The following WFDC2 variants were observed in gnomAD, a reference collection of about 807,000 sequenced individuals.
WFDC2 encodes the protein WAP four-disulfide core domain 2, also known as WAP four-disulfide core domain protein 2.
WFDC2 carries 8 observed loss-of-function variants against 12.5 expected under a neutral mutation model. The observed-to-expected ratio is 0.64, with a 90% CI of 0.37 to 1.15. The LOEUF (loss-of-function observed/expected upper bound fraction) is 1.15, where lower values mean the gene tolerates loss of function less well. Among genes scored for constraint, WFDC2 ranks in the 50% most tolerant of loss-of-function variants. The pLI is 0.01. For synonymous variants in WFDC2, 74 were observed against 67.2 expected, an observed-to-expected ratio of 1.10 and a Z score of -0.49; for missense variants, 166 against 159.9, an observed-to-expected ratio of 1.04 and a Z score of -0.21.
chr20:45,476,083 G>A (rs142682485), intron 2 of WFDC2, among the ~76,000 whole-genome samples: 14 of 152,170 alleles, frequency 9.2e-5, no homozygotes, highest in Admixed American at 3.3e-4. Context: ...CACTTGAGAT[G>A]GGTCTCCTGA....
Position 45,477,002 on chromosome 20 carries a change from C to T in WFDC2, c.224-2940C>T, listed in dbSNP as rs368006080. 2.2e-4 allele frequency among the ~76,000 whole-genome samples: 33 copies of T among 151,970 alleles called. No homozygotes were observed. The East Asian group carries it at 4.7e-3, about 21-fold the overall frequency. On this transcript the variant is annotated intron_variant, in intron 2 of 3. Coordinates refer to ENST00000372676, the MANE Select transcript of WFDC2 (RefSeq NM_006103.4). ...ACTTGTATAGGCTTCATGACGTTCT[C>T]GTGCTGTGTTTTTCAGCTCCATCAG...
intron 2 of WFDC2, among the ~76,000 whole-genome samples, chr20:45,475,207 T>A (rs1184343434): frequency 6.6e-6 from 1 of 152,200 alleles, no homozygotes; most frequent in Non-Finnish European, 1.5e-5. Context: ...AGTTATTTCT[T>A]GTCTTCTGCT....
rs1039391360 is a variant in WFDC2 at position 45,470,505 on chromosome 20, T to C, written c.196T>C (p.Cys66Arg). ...CAACCTCAAGTGCTGCAGCGCGGGC[T>C]GTGCCACCTTCTGCTCTCTGCCCAA... ...ADNLKCCSAG[C>R]ATFCSLPNDK... The change falls in exon 2 of 4, where the codon TGT becomes CGT. Residue 66 changes from cysteine to arginine, a missense_variant. Physicochemically the swap from Cys to Arg is radical, Grantham distance 180. Transcript: ENST00000372676. This position sits in a 1 kb window ranked among gnomAD's most constrained non-coding sequence, Gnocchi z 5.4. 1.3e-6 allele frequency: 2 copies of C among 1,599,642 alleles called. No individual in the cohort carries two copies. Among genetic ancestry groups the C allele is most frequent in the East Asian group, 2.2e-5 (1 of 44,538 alleles).
rs575411387 is a variant in WFDC2 at position 45,480,396 on chromosome 20, G to A, written c.*1+302G>A. On this transcript the variant is annotated intron_variant, in intron 3 of 3. Transcript: ENST00000372676. ...TGAGGTGTGCGGATCACCTGAGGTC[G>A]GGAGTTCAAGACCAGCCTGACCAAC... 4.6e-5 allele frequency among the ~76,000 whole-genome samples: 7 copies of A among 151,414 alleles called. No homozygotes were observed. The East Asian group carries it at 7.8e-4, about 17-fold the overall frequency.
chr20:45,471,757 G>A (rs545387618), intron 2 of WFDC2, among the ~76,000 whole-genome samples: 2 of 152,334 alleles, frequency 1.3e-5, no homozygotes, highest in South Asian at 4.1e-4. Context: ...CAGATGGACA[G>A]ACTGAGGCAG....
chr20:45,473,024 T>A (rs1405485990), intron 2 of WFDC2, among the ~76,000 whole-genome samples: 5 of 152,156 alleles, frequency 3.3e-5, no homozygotes, highest in Non-Finnish European at 7.4e-5. Context: ...TCGCCCACGT[T>A]CTAATGGGGT....
At chr20:45,471,468 C>G (rs1294905312) in intron 2 of WFDC2, 1 of 188,266 alleles carries the variant, frequency 5.3e-6, no homozygotes, top group Non-Finnish European at 1.1e-5. Context: ...GACTTTTCCT[C>G]TCTGTTATTT....
rs368991156 is a variant in WFDC2 at position 45,480,104 on chromosome 20, C to A, written c.*1+10C>A. 1.2e-6 allele frequency: 2 copies of A among 1,612,798 alleles called. No homozygotes were observed. The highest frequency in any genetic ancestry group is 1.7e-6 in the Non-Finnish European group (2 of 1,179,052). On this transcript the variant is annotated intron_variant, in intron 3 of 3. Coordinates refer to ENST00000372676, the MANE Select transcript of WFDC2 (RefSeq NM_006103.4). ...ACTCCCAATTTCTGAGGTAAGTGAA[C>A]GGGAAAGAGAAAGTGCATTGATGGC...
chr20:45,471,453 C>A, intron 2 of WFDC2: 1 of 191,744 alleles, frequency 5.2e-6, no homozygotes, highest in Non-Finnish European at 1.1e-5. Flanking sequence ...GAATACAGCC[C>A]CTGTGACTTT....
chr20:45,473,566 T>C (rs1991198674), intron 2 of WFDC2, among the ~76,000 whole-genome samples: 1 of 152,194 alleles, frequency 6.6e-6, no homozygotes, highest in African/African-American at 2.4e-5. Flanking sequence ...ACCAGTACCA[T>C]GCTGTTTTGG....
In WFDC2 at chr20:45,470,954, T is replaced by C. The variant is rs1438078814; in HGVS notation, c.223+422T>C. On this transcript the variant is annotated intron_variant, in intron 2 of 3. Transcript: ENST00000372676. This position sits in a 1 kb window ranked among gnomAD's most constrained non-coding sequence, Gnocchi z 5.4. ...GCCTCCCCCAGCCCTGGGGAAAGAC[T>C]GGGAGAGCCTGGCCTGGCAAGATTT... 1.2e-4 allele frequency among the ~76,000 whole-genome samples: 18 copies of C among 152,146 alleles called. No homozygotes were observed. The highest frequency in any genetic ancestry group is 1.2e-3 in the Admixed American group (18 of 15,288).
intron 3 of WFDC2, among the ~76,000 whole-genome samples, 176 bp downstream of exon 3, chr20:45,480,270 G>A (rs1173131407): frequency 6.6e-6 from 1 of 152,060 alleles, no homozygotes; most frequent in African/African-American, 2.4e-5. Flanking sequence ...GTAGTCTGAT[G>A]AGCTGCATTG....
chr20:45,480,673 C>T (rs1375021451), intron 3 of WFDC2, among the ~76,000 whole-genome samples: 2 of 152,086 alleles, frequency 1.3e-5, no homozygotes, highest in African/African-American at 4.8e-5. Context: ...GTTGAAATCT[C>T]GTGGTTGTCA....
chr20:45,480,167 C>CGGAGTGAAG, intron 3 of WFDC2, 73 bp downstream of exon 3: 1 of 1,588,914 alleles, frequency 6.3e-7, no homozygotes, highest in Non-Finnish European at 8.6e-7. Context: ...GTCACCCAGG[C>CGGAGTGAAG]GGAGGTGAAG....
rs1172479362 is a variant in WFDC2 at position 45,470,601 on chromosome 20, G to A, written c.223+69G>A. On this transcript the variant is annotated intron_variant, in intron 2 of 3. Transcript: ENST00000372676. The surrounding 1 kb of genome is among the most constrained non-coding windows in gnomAD (Gnocchi z 5.4). ...GGGCTGGGAGGAGGTGGGAGGGCCC[G>A]GGTTCCGGGAACAGGGGCGCCCCCG... 2 of 1,487,270 alleles carry A rather than the reference G, an allele frequency of 1.3e-6. No homozygotes were observed. The highest frequency in any genetic ancestry group is 1.8e-6 in the Non-Finnish European group (2 of 1,117,980). The allele number at this position is 1,487,270 out of a possible 1,614,324, so 92.1% of individuals were successfully genotyped here. A position where few individuals can be genotyped will look rare whatever the true frequency, so the allele number is the denominator to read the frequency against.
At chr20:45,477,874 T>C (rs1465036878) in intron 2 of WFDC2, among the ~76,000 whole-genome samples, 1 of 152,222 alleles carries the variant, frequency 6.6e-6, no homozygotes, top group Non-Finnish European at 1.5e-5. Context: ...AGGAGGAATC[T>C]AGAGAGGCAG....
intron 2 of WFDC2, among the ~76,000 whole-genome samples, chr20:45,476,162 T>G (rs1991230756): frequency 6.6e-6 from 1 of 152,250 alleles, no homozygotes; most frequent in African/African-American, 2.4e-5. Flanking sequence ...CTGGGGCATT[T>G]AGCCTGTTTA....
intron 1 of WFDC2, 127 bp downstream of exon 1, chr20:45,469,987 AC>A (rs1991145675): frequency 8.2e-7 from 1 of 1,214,344 alleles, no homozygotes; most frequent in African/African-American, 1.5e-5. Context: ...AGTGGCGGGG[AC>A]CCTTGGAGCC....
intron 2 of WFDC2, among the ~76,000 whole-genome samples, chr20:45,476,976 T>C (rs976067341): frequency 6.6e-6 from 1 of 151,970 alleles, no homozygotes; most frequent in African/African-American, 2.4e-5. Flanking sequence ...CGGCTATTGA[T>C]ACTTGTATAG....
Sources: gnomAD v4.1 joint callset for allele counts (sites outside exome capture counted in the v4.1 genomes callset) on GRCh38, gnomAD v4.1.1 for gene constraint, Gnocchi (gnomAD v3.1) non-coding constraint, MANE v1.5 for transcripts, NCBI Gene and HGNC (gene_info 2026-07-23, HGNC 2026-07-21) for gene names.